The following LRP5 variants were observed in gnomAD, a reference collection of about 807,000 sequenced individuals.
LRP5 encodes the protein LDL receptor related protein 5.
A neutral mutation model predicts 154.1 loss-of-function variants in LRP5; 62 were observed. The ratio of observed to expected loss-of-function variants is 0.40; its 90% CI spans 0.33 to 0.50. The LOEUF (loss-of-function observed/expected upper bound fraction) is 0.50. Ranked by LOEUF, LRP5 falls within the 20% of genes least tolerant of loss-of-function variation. The probability of loss-of-function intolerance (pLI) is 0.55; values close to 1 mark genes in which losing one functional copy is unlikely to be tolerated. For missense variants in LRP5, 1,915 were observed against 2,336.7 expected (o/e 0.82, Z 3.72); for synonymous variants, 966 against 1,011.5 (o/e 0.96, Z 0.85).
At chr11:68,399,771 G>T (rs2098651620) in intron 7 of LRP5, among the ~76,000 whole-genome samples, 1 of 152,238 alleles carries the variant, frequency 6.6e-6, no homozygotes, top group Non-Finnish European at 1.5e-5. Context: ...CCCAGGTCTG[G>T]GGGAGGCCTG....
chr11:68,343,759 G>A (rs931197382), intron 1 of LRP5, among the ~76,000 whole-genome samples: 10 of 152,124 alleles, frequency 6.6e-5, no homozygotes, highest in Non-Finnish European at 1.2e-4. Context: ...TGCTGCTTCC[G>A]TCTCGGAAGG....
At chr11:68,361,693 A>G (rs1162901292) in intron 3 of LRP5, among the ~76,000 whole-genome samples, 4 of 151,610 alleles carry the variant, frequency 2.6e-5, no homozygotes, top group South Asian at 2.1e-4. Flanking sequence ...ATGGTGGTAC[A>G]TACCTGTGTT....
chr11:68,439,603 CTAG>C (rs2098676998), intron 20 of LRP5, among the ~76,000 whole-genome samples, 171 bp from the exon 21 acceptor site: 1 of 152,190 alleles, frequency 6.6e-6, no homozygotes, highest in Admixed American at 6.5e-5. Flanking sequence ...GGAGCTCACT[CTAG>C]TAGTGGCCAG....
At position 68,312,855 on chromosome 11, in the gene LRP5, CCGGGCGGCCCCGCGGCCAAGTGCG is replaced by C. The variant is rs1417428636; in HGVS notation, c.91+57_91+80del. The stretch of plus-strand genomic sequence containing the variant: ...GGCCGCGGGTTGCTCGGACAATGGC[CCGGGCGGCCCCGCGGCCAAGTGCG>C]CGGGCGCCGCCGCCGTCTCGGAAGC... On this transcript the variant is annotated intron_variant, in intron 1 of 22. Transcript: ENST00000294304. The C allele has an allele frequency of 3.0e-4, 289 of 955,344 alleles. No homozygotes were observed. The African/African-American group carries it at 4.6e-3, about 15-fold the overall frequency. 59.2% of individuals were successfully genotyped at this position (955,344 alleles called of 1,614,324 possible). A position where few individuals can be genotyped will look rare whatever the true frequency, so the allele number is the denominator to read the frequency against.
Position 68,423,656 on chromosome 11 carries a change from C to T in LRP5, c.3195C>T (p.Asp1065=), listed in dbSNP as rs748548185. The T allele has an allele frequency of 4.3e-6, 7 of 1,613,844 alleles. No homozygotes were observed. In the Admixed American group the frequency reaches 8.3e-5, roughly 19 times the overall value. The change falls in exon 14 of 23, where the codon GAC becomes GAT. Residue 1065 remains aspartate (D), a synonymous_variant. Coordinates refer to ENST00000294304, the MANE Select transcript of LRP5 (RefSeq NM_002335.4). The surrounding 1 kb of genome is among the most constrained non-coding windows in gnomAD (Gnocchi z 4.7). ...CCATGGGGGTGGTGCTGCGTGGGGA[C>T]CGCGACAAGCCCAGGGCCATCGTCG... ...GEAMGVVLRG[D]RDKPRAIVVN...
the LRP5 span, among the ~76,000 whole-genome samples, chr11:68,301,919 C>CGTGCGGCCATT: frequency 6.6e-6 from 1 of 151,998 alleles, no homozygotes; most frequent in African/African-American, 2.4e-5. Context: ...TGAGCCACCG[C>CGTGCGGCCATT]TCCCAGCCCA....
At chr11:68,404,148 C>A (rs554362474) in intron 8 of LRP5, 5 of 433,782 alleles carry the variant, frequency 1.2e-5, no homozygotes, top group South Asian at 9.5e-5. Flanking sequence ...CACCTTCCAC[C>A]TGAAAGCCAG....
At chr11:68,333,139 C>A (rs1412413791) in intron 1 of LRP5, among the ~76,000 whole-genome samples, 1 of 152,078 alleles carries the variant, frequency 6.6e-6, no homozygotes, top group Non-Finnish European at 1.5e-5. Context: ...ACCGCCACCC[C>A]AGTAGGAGAG....
chr11:68,319,802 C>A (rs1395072525), intron 1 of LRP5, among the ~76,000 whole-genome samples: 2 of 152,138 alleles, frequency 1.3e-5, no homozygotes, highest in Non-Finnish European at 2.9e-5. Context: ...TGTGTCTCTG[C>A]ATGTGTATAA....
chr11:68,448,130 A>G (rs1309323275), intron 22 of LRP5, among the ~76,000 whole-genome samples: 2 of 152,210 alleles, frequency 1.3e-5, no homozygotes, highest in Non-Finnish European at 2.9e-5. Context: ...AGACAGCATG[A>G]GAACCAAGCG....
rs147317589 is a variant in LRP5, at chr11:68,374,324, G to A, written c.1015+8622G>A. Among the ~76,000 whole-genome samples the A allele has an allele frequency of 7.2e-3, 1,102 of 152,308 alleles. 13 individuals are homozygous for A. The highest frequency in any genetic ancestry group is 0.026 in the African/African-American group (1,060 of 41,560). ...GTCTGGCTGTCTTGTCACTTATCAG[G>A]GAAGTAGGTCAAAGGGAAAAAAGAA... On this transcript the variant is annotated intron_variant, in intron 5 of 22. Transcript: ENST00000294304.
At chr11:68,398,118 T>G (rs1368090805) in intron 7 of LRP5, among the ~76,000 whole-genome samples, 1 of 152,180 alleles carries the variant, frequency 6.6e-6, no homozygotes, top group Non-Finnish European at 1.5e-5. Flanking sequence ...ACTTCTTCCC[T>G]CAGACAACAG....
intron 6 of LRP5, among the ~76,000 whole-genome samples, chr11:68,388,459 C>T (rs2098644228): frequency 1.3e-5 from 2 of 151,980 alleles, no homozygotes; most frequent in East Asian, 1.9e-4. Context: ...GGAGGGGCAC[C>T]GAGCTGGAAG....
At chr11:68,437,098 G>A in intron 19 of LRP5, 99 bp downstream of exon 19, 2 of 1,028,078 alleles carry the variant, frequency 1.9e-6, no homozygotes, top group South Asian at 1.3e-5. Flanking sequence ...CGGGGCTGGG[G>A]GCTGTGTGGG....
intron 1 of LRP5, among the ~76,000 whole-genome samples, chr11:68,326,771 G>T (rs1336830554): frequency 6.6e-6 from 1 of 152,270 alleles, no homozygotes; most frequent in Non-Finnish European, 1.5e-5. Flanking sequence ...TTACAAGAGC[G>T]TTAGGCCTGG....
At chr11:68,381,278 G>T (rs1252763229) in intron 5 of LRP5, among the ~76,000 whole-genome samples, 1 of 152,074 alleles carries the variant, frequency 6.6e-6, no homozygotes, top group African/African-American at 2.4e-5. Flanking sequence ...AGGGTGTGTG[G>T]GGGGGTGCAT....
intron 1 of LRP5, among the ~76,000 whole-genome samples, chr11:68,324,367 G>T (rs1252290209): frequency 6.6e-6 from 1 of 152,240 alleles, no homozygotes; most frequent in Non-Finnish European, 1.5e-5. Flanking sequence ...GCCCAGTGTG[G>T]CCCTGTGTGC....
chr11:68,411,679 C>T (rs1406530005), intron 11 of LRP5, 59 bp downstream of exon 11: 5 of 1,530,956 alleles, frequency 3.3e-6, no homozygotes, highest in African/African-American at 2.7e-5. Context: ...GCGTTGGCCA[C>T]CTCCCAGCCT....
chr11:68,449,187 G>A lies in LRP5; in HGVS notation c.*117G>A. ...AATATAATTGGGATTTTAAAAACATGAGAAATGTGAACTGTGATGGGGTGG... is the reference window on the plus strand; with the variant it reads ...AATATAATTGGGATTTTAAAAACATAAGAAATGTGAACTGTGATGGGGTGG... On this transcript the variant is annotated 3_prime_UTR_variant, in exon 23 of 23. Transcript: ENST00000294304. The A allele has an allele frequency of 1.6e-6, 1 of 642,348 alleles. No homozygotes were observed. Among genetic ancestry groups the A allele is most frequent in the Non-Finnish European group, 2.3e-6 (1 of 432,204 alleles). The allele number at this position is 642,348 out of a possible 1,614,324, so 39.8% of individuals were successfully genotyped here. A position where few individuals can be genotyped will look rare whatever the true frequency, so the allele number is the denominator to read the frequency against.
Sources: allele counts gnomAD v4.1 joint callset (sites outside exome capture counted in the v4.1 genomes callset), GRCh38; gene constraint gnomAD v4.1.1; non-coding constraint Gnocchi (gnomAD v3.1); transcripts MANE v1.5; gene names NCBI Gene and HGNC (gene_info 2026-07-23, HGNC 2026-07-21).